Variants in HEY2 observed in about 807,000 individuals in gnomAD.
The protein encoded by HEY2 is hairy/enhancer-of-split related with YRPW motif protein 2.
HEY2 carries 10 observed loss-of-function variants against 18.1 expected under a neutral mutation model. The ratio of observed to expected loss-of-function variants is 0.55; its 90% CI spans 0.34 to 0.94. HEY2 has a LOEUF of 0.94. Ranked by LOEUF, HEY2 falls within the 40% of genes least tolerant of loss-of-function variation. The pLI is 0.02. For missense variants in HEY2, 455 were observed against 455.9 expected, an observed-to-expected ratio of 1.00 and a Z score of 0.02; for synonymous variants, 210 against 182.7, an observed-to-expected ratio of 1.15 and a Z score of -1.21.
At chr6:125,752,847 A>G (rs1773580830) in intron 3 of HEY2, among the ~76,000 whole-genome samples, 1 of 152,248 alleles carries the variant, frequency 6.6e-6, no homozygotes, top group Non-Finnish European at 1.5e-5. Context: ...ATATGGCAGC[A>G]TGTCCTTGTT....
intron 1 of HEY2, 66 bp downstream of exon 1, chr6:125,749,925 G>T: frequency 7.7e-7 from 1 of 1,293,186 alleles, no homozygotes; most frequent in Non-Finnish European, 1.1e-6. Context: ...TGAATGCGTG[G>T]CTCCCTGGAA....
In HEY2 at chr6:125,759,762, A is replaced by G. The variant is rs2128530148; in HGVS notation, c.974A>G (p.Lys325Arg). The change falls in exon 5 of 5, where the codon AAA becomes AGA. Residue 325 changes from lysine (K) to arginine (R), a missense_variant. Physicochemically the swap from Lys to Arg is conservative, Grantham distance 26 (BLOSUM62 2). Coordinates refer to ENST00000368364, the MANE Select transcript of HEY2 (RefSeq NM_012259.3). ...PQQTSSGTNN[K>R]PYRPWGTEVG... ...CAGACCAGCAGTGGAACAAACAATAAACCTTACCGACCCTGGGGGACAGAA... is the reference window on the plus strand; with the variant it reads ...CAGACCAGCAGTGGAACAAACAATAGACCTTACCGACCCTGGGGGACAGAA... 6.2e-7 allele frequency: 1 copy of G among 1,613,920 alleles called. No homozygotes were observed. The highest frequency in any genetic ancestry group is 1.7e-5 in the Admixed American group (1 of 60,026).
rs1773729156 is a variant in HEY2, at chr6:125,759,225, C to G, written c.437C>G (p.Ser146Trp). The G allele has an allele frequency of 6.2e-7, 1 of 1,612,484 alleles. No individual in the cohort carries two copies. The highest frequency in any genetic ancestry group is 1.1e-5 in the South Asian group (1 of 91,090). ...AGCTCCGTGGAAGGCCTGGACTCCT[C>G]GGATCCGCTGCGGGTGCGGCTTGTG... The part of the protein sequence containing the change: ...YLSSVEGLDS[S>W]DPLRVRLVSH... Residue 146 changes from serine (S) to tryptophan (W), a missense_variant, in exon 5 of 5, where the codon TCG (serine) becomes TGG (tryptophan). Physicochemically the swap from Ser to Trp is radical, Grantham distance 177. Transcript: ENST00000368364.
chr6:125,750,011 C>G (rs1023913630), intron 1 of HEY2, 152 bp downstream of exon 1: 33 of 766,974 alleles, frequency 4.3e-5, no homozygotes, highest in Non-Finnish European at 6.6e-5. Context: ...GGTGGGCGCT[C>G]GCAGAGCGTG....
In HEY2 at chr6:125,759,826, A is replaced by G. The variant is rs1773758579; in HGVS notation, c.*24A>G. ...AAATTTTTCTTGAACTTCTTGCAAT[A>G]GTAACTGAATGTCCTCCATTTCAGA... On this transcript the variant is annotated 3_prime_UTR_variant, in exon 5 of 5. Transcript: ENST00000368364. 5 of 1,591,928 alleles carry G rather than the reference A, an allele frequency of 3.1e-6. No homozygotes were observed. Among genetic ancestry groups the G allele is most frequent in the Non-Finnish European group, 4.3e-6 (5 of 1,161,368 alleles).
chr6:125,750,392 C>T (rs1773519547), intron 1 of HEY2: 1 of 985,358 alleles, frequency 1.0e-6, no homozygotes, highest in Non-Finnish European at 1.2e-6. Context: ...ATGTAAGCAT[C>T]GGAAAGGGCA....
At position 125,754,554 on chromosome 6, in the gene HEY2, G is replaced by T; in HGVS notation, c.328+8G>T. ...AGGCAACAGGGGGTAAAGGTAAGTA[G>T]ATGACTTCATTTTTTTTTTTTTTTG... On this transcript the variant is annotated splice_region_variant and intron_variant, in intron 4 of 4. Transcript: ENST00000368364. The T allele has an allele frequency of 1.4e-6, 2 of 1,460,814 alleles. No individual in the cohort carries two copies. Among genetic ancestry groups the T allele is most frequent in the African/African-American group, 1.5e-5 (1 of 66,792 alleles). 90.5% of individuals were successfully genotyped at this position (1,460,814 alleles called of 1,614,324 possible). A position where few individuals can be genotyped will look rare whatever the true frequency, so the allele number is the denominator to read the frequency against.
chr6:125,753,983 TTATTG>T (rs2128528700), intron 3 of HEY2, among the ~76,000 whole-genome samples: 1 of 152,326 alleles, frequency 6.6e-6, no homozygotes, highest in African/African-American at 2.4e-5. Flanking sequence ...GTGAAAGGAC[TTATTG>T]GAGTTTTCTA....
intron 4 of HEY2, among the ~76,000 whole-genome samples, chr6:125,756,621 T>G (rs1473521373): frequency 6.6e-6 from 1 of 152,112 alleles, no homozygotes; most frequent in Non-Finnish European, 1.5e-5. Flanking sequence ...GTTAACATTG[T>G]AAAAGAATAC....
At chr6:125,759,071 C>T (rs1461262971) in intron 4 of HEY2, 46 bp from the exon 5 acceptor site, 4 of 1,451,354 alleles carry the variant, frequency 2.8e-6, no homozygotes, top group African/African-American at 1.4e-5. Context: ...CCCTACCTCC[C>T]GCCCATCTCT....
rs1773757843 is a variant in HEY2, at chr6:125,759,812, G to C, written c.*10G>C. 6.2e-7 allele frequency: 1 copy of C among 1,610,228 alleles called. No individual in the cohort carries two copies. On this transcript the variant is annotated 3_prime_UTR_variant, in exon 5 of 5. Transcript: ENST00000368364. ...AGTTGGAGCTTTTTAAATTTTTCTT[G>C]AACTTCTTGCAATAGTAACTGAATG...
Position 125,759,539 on chromosome 6 carries a change from C to T in HEY2, c.751C>T (p.Pro251Ser), listed in dbSNP as rs149038012. Residue 251 changes from proline to serine, a missense_variant, in exon 5 of 5, where the codon CCA becomes TCA. Physicochemically the swap from Pro to Ser is moderately conservative, Grantham distance 74. Transcript: ENST00000368364. ...PSTGSVAPCV[P>S]PLSTSLLSLS... is the part of the protein sequence containing the mutation. ...CACGGGCAGCGTCGCCCCCTGCGTG[C>T]CACCTCTCTCCACCTCTCTCTTGTC... is the stretch of plus-strand genomic sequence containing the variant. 1.9e-6 allele frequency: 3 copies of T among 1,610,596 alleles called. No homozygotes were observed. The highest frequency in any genetic ancestry group is 2.5e-6 in the Non-Finnish European group (3 of 1,179,896).
chr6:125,750,271 T>C lies in HEY2; in HGVS notation c.83+412T>C, dbSNP rs994250971. On this transcript the variant is annotated intron_variant, in intron 1 of 4. Coordinates refer to ENST00000368364, the MANE Select transcript of HEY2 (RefSeq NM_012259.3). ...TTTTTGATTTTTAGAGATACCAAAA[T>C]CACAACTTGATTTTTGGAGGAATTA... is the stretch of plus-strand genomic sequence containing the variant. 4 of 985,300 alleles carry C rather than the reference T, an allele frequency of 4.1e-6. No homozygotes were observed. The Admixed American group carries it at 2.5e-4, about 60-fold the overall frequency. The allele number at this position is 985,300 out of a possible 1,614,324, so 61.0% of individuals were successfully genotyped here.
At chr6:125,750,365 G>T in intron 1 of HEY2, 20 of 985,410 alleles carry the variant, frequency 2.0e-5, no homozygotes, top group Non-Finnish European at 2.4e-5. Context: ...CTTGGCTAAC[G>T]CAAGAGTGAG....
chr6:125,749,895 G>C lies in HEY2; in HGVS notation c.83+36G>C, dbSNP rs765298987. The stretch of plus-strand genomic sequence containing the variant: ...GCTCCGCGGGAGCGGCCCGCAGCTC[G>C]GGAGCTTGGGGTAGCTTTGTGAATG... On this transcript the variant is annotated intron_variant, in intron 1 of 4. Transcript: ENST00000368364. The C allele has an allele frequency of 7.3e-6, 11 of 1,498,422 alleles. No homozygotes were observed. The South Asian group carries it at 8.5e-5, about 12-fold the overall frequency. 92.8% of individuals were successfully genotyped at this position (1,498,422 alleles called of 1,614,324 possible). A position where few individuals can be genotyped will look rare whatever the true frequency, so the allele number is the denominator to read the frequency against.
intron 3 of HEY2, 75 bp from the exon 4 acceptor site, chr6:125,754,390 T>C: frequency 1.2e-6 from 1 of 804,498 alleles, no homozygotes; most frequent in East Asian, 3.0e-5. Context: ...GCCATAATGC[T>C]AAATTCAGTG....
At position 125,749,710 on chromosome 6, in the gene HEY2, A is replaced by T; in HGVS notation, c.-67A>T. 2 of 1,251,664 alleles carry T rather than the reference A, an allele frequency of 1.6e-6. No individual in the cohort carries two copies. Among genetic ancestry groups the T allele is most frequent in the Non-Finnish European group, 1.1e-6 (1 of 897,576 alleles). The allele number at this position is 1,251,664 out of a possible 1,614,324, so 77.5% of individuals were successfully genotyped here. ...CCCGGGGAGGGAGGAGGCGGGCGTC[A>T]GGGTGCTGCGCCCCGCTCGGCGTCC... On this transcript the variant is annotated 5_prime_UTR_variant, in exon 1 of 5. Coordinates refer to ENST00000368364, the MANE Select transcript of HEY2 (RefSeq NM_012259.3).
chr6:125,749,792 G>C lies in HEY2; in HGVS notation c.16G>C (p.Glu6Gln), dbSNP rs750649221. Residue 6 changes from glutamate (E) to glutamine (Q), a missense_variant, in exon 1 of 5, where the codon GAG becomes CAG. Transcript: ENST00000368364. ...CTTCGCCGGGATGAAGCGCCCCTGC[G>C]AGGAGACGACCTCCGAGAGCGACAT... MKRPC[E>Q]ETTSESDMDE... The C allele has an allele frequency of 1.9e-6, 3 of 1,580,666 alleles. No individual in the cohort carries two copies. The highest frequency in any genetic ancestry group is 2.6e-6 in the Non-Finnish European group (3 of 1,164,162).
chr6:125,750,198 T>C, intron 1 of HEY2: 2 of 956,908 alleles, frequency 2.1e-6, no homozygotes. Context: ...TGAAACCGTA[T>C]TTGGGGGCAC....
Sources: gnomAD v4.1 joint callset for allele counts (sites outside exome capture counted in the v4.1 genomes callset) on GRCh38, gnomAD v4.1.1 for gene constraint, MANE v1.5 for transcripts, NCBI Gene and HGNC (gene_info 2026-07-23, HGNC 2026-07-21) for gene names.